The following TSPAN16 variants were observed in gnomAD, a reference collection of about 807,000 sequenced individuals.
TSPAN16 encodes the protein tetraspanin 16.
A neutral mutation model predicts 25.2 loss-of-function variants in TSPAN16; 23 were observed. That is an observed-to-expected ratio of 0.91 (90% CI 0.66 to 1.29). The LOEUF (loss-of-function observed/expected upper bound fraction) is 1.29, where lower values mean the gene tolerates loss of function less well. Among genes scored for constraint, TSPAN16 ranks in the 50% most tolerant of loss-of-function variants. TSPAN16 has a pLI of 0.00. For synonymous variants in TSPAN16, 123 were observed against 124.4 expected (o/e 0.99, Z 0.08); for missense variants, 272 against 299.9 (o/e 0.91, Z 0.69).
At position 11,312,021 on chromosome 19, in the gene TSPAN16, G is replaced by T. The variant is rs966234500; in HGVS notation, c.604-118G>T. On this transcript the variant is annotated intron_variant, in intron 5 of 6. Coordinates refer to ENST00000590327, the MANE Select transcript of TSPAN16 (RefSeq NM_001282509.2). The stretch of plus-strand genomic sequence containing the variant: ...GGAAGGCCCTCACGGCTCTCTCCCC[G>T]CTTCTCCTCAAAGAATCTGAGAGTC... The T allele has an allele frequency of 2.1e-5, 15 of 727,930 alleles. No individual in the cohort carries two copies. The African/African-American group carries it at 2.1e-4, about 10-fold the overall frequency. 45.1% of individuals were successfully genotyped at this position (727,930 alleles called of 1,614,324 possible). A position where few individuals can be genotyped will look rare whatever the true frequency, so the allele number is the denominator to read the frequency against.
chr19:11,300,817 CAG>C (rs2080536829), intron 3 of TSPAN16: 1 of 160,434 alleles, frequency 6.2e-6, no homozygotes, highest in Non-Finnish European at 1.4e-5. Flanking sequence ...ATTTAAAAAA[CAG>C]AAAATTAAAT....
intron 4 of TSPAN16, among the ~76,000 whole-genome samples, chr19:11,304,746 G>T (rs1279372718): frequency 1.3e-5 from 2 of 151,902 alleles, no homozygotes; most frequent in Non-Finnish European, 2.9e-5. Flanking sequence ...GGATGATCTT[G>T]ATCTCCTGAC....
chr19:11,302,661 A>ATATATATAT (rs2080570639), intron 4 of TSPAN16, among the ~76,000 whole-genome samples: 2 of 101,886 alleles, frequency 2.0e-5, no homozygotes, highest in African/African-American at 9.5e-5. Flanking sequence ...ATACACATAC[A>ATATATATAT]TATATATATA....
intron 6 of TSPAN16, among the ~76,000 whole-genome samples, chr19:11,313,485 C>G (rs1661804660): frequency 1.3e-5 from 2 of 150,962 alleles, no homozygotes; most frequent in South Asian, 4.2e-4. Context: ...CGAGATTGCA[C>G]CACTGCACTC....
downstream of TSPAN16, among the ~76,000 whole-genome samples, chr19:11,318,789 G>C (rs1459567310): frequency 6.6e-6 from 1 of 151,946 alleles, no homozygotes; most frequent in Admixed American, 6.6e-5. Context: ...TGGAGTTACA[G>C]GTGCCCGCCA....
intron 1 of TSPAN16, among the ~76,000 whole-genome samples, 182 bp downstream of exon 1, chr19:11,296,548 G>T (rs1202019701): frequency 6.6e-6 from 1 of 152,190 alleles, no homozygotes; most frequent in Non-Finnish European, 1.5e-5. Context: ...TCCATCAACC[G>T]AGAGCTGGTG....
chr19:11,326,825 G>A (rs770928455), exon 7 of TSPAN16: 2 of 679,688 alleles, frequency 2.9e-6, no homozygotes, highest in Non-Finnish European at 5.3e-6. Context: ...GCGCAGGCTG[G>A]TCTTGAACTG....
rs71164183 is a variant in TSPAN16, at chr19:11,310,515, C to CA, written c.604-1606dup. On this transcript the variant is annotated intron_variant, in intron 5 of 6. Transcript: ENST00000590327. Reference sequence around the variant, plus strand: ...GGGCAATAAGAGCCAAATTCCGTCTCAAAAAAAAAAAAAAAAAAGTGCAGG... The same window carrying CA: ...GGGCAATAAGAGCCAAATTCCGTCTCAAAAAAAAAAAAAAAAAAAGTGCAGG... Among the ~76,000 whole-genome samples the CA allele has an allele frequency of 1.6e-3, 184 of 117,006 alleles. 1 individual carries two copies. Among genetic ancestry groups the CA allele is most frequent in the East Asian group, 5.1e-3 (21 of 4,134 alleles). The allele number at this position is 117,006 out of a possible 152,430, so 76.8% of individuals were successfully genotyped here.
intron 6 of TSPAN16, chr19:11,325,581 G>T: frequency 6.2e-7 from 1 of 1,607,146 alleles, no homozygotes. Context: ...CAAAGAACTC[G>T]AAACCTGGAT....
At chr19:11,321,757 G>A (rs1008606048) in intron 6 of TSPAN16, among the ~76,000 whole-genome samples, 5 of 152,316 alleles carry the variant, frequency 3.3e-5, no homozygotes, top group Admixed American at 1.3e-4. Flanking sequence ...TAAGGTGGGA[G>A]CCATCGAATG....
chr19:11,305,164 C>T (rs1252602011), intron 4 of TSPAN16, among the ~76,000 whole-genome samples: 1 of 152,052 alleles, frequency 6.6e-6, no homozygotes, highest in African/African-American at 2.4e-5. Context: ...TCATACAGTC[C>T]TCCCACTAAT....
At position 11,304,217 on chromosome 19, in the gene TSPAN16, G is replaced by C. The variant is rs935238427; in HGVS notation, c.451-2387G>C. On this transcript the variant is annotated intron_variant, in intron 4 of 6. Transcript: ENST00000590327. ...CTTTTGAGACAGGTGGTTGAGGCCA[G>C]GCAGGGAGGGTTCAAAGTGGGGAAA... Among the ~76,000 whole-genome samples, 33 of 151,608 alleles carry C rather than the reference G, an allele frequency of 2.2e-4. 2 individuals are homozygous for C. Among genetic ancestry groups the C allele is most frequent in the African/African-American group, 8.1e-4 (33 of 40,938 alleles).
chr19:11,308,421 C>T (rs1183727115), intron 5 of TSPAN16, among the ~76,000 whole-genome samples: 1 of 152,070 alleles, frequency 6.6e-6, no homozygotes, highest in East Asian at 1.9e-4. Context: ...GCCTCAGCCT[C>T]CCGAGTAGCT....
intron 4 of TSPAN16, 110 bp downstream of exon 4, chr19:11,301,418 T>A: frequency 1.4e-6 from 1 of 709,650 alleles, no homozygotes; most frequent in South Asian, 1.6e-5. Flanking sequence ...GGTGGGAGGA[T>A]CACTTGAGGT....
chr19:11,302,699 A>G (rs1219696002), intron 4 of TSPAN16, among the ~76,000 whole-genome samples: 7 of 145,306 alleles, frequency 4.8e-5, no homozygotes, highest in Admixed American at 1.4e-4. Flanking sequence ...ACACACACAC[A>G]CACACACATA....
intron 5 of TSPAN16, among the ~76,000 whole-genome samples, chr19:11,310,347 T>C (rs896255190): frequency 3.3e-5 from 5 of 151,326 alleles, no homozygotes; most frequent in Admixed American, 3.3e-4. Flanking sequence ...AACCCCCATC[T>C]CTACTAAAAA....
rs1392605253 is a variant in TSPAN16, at chr19:11,298,145, T to A, written c.73T>A (p.Ser25Thr). The change falls in exon 2 of 7, where the codon TCT becomes ACT. Residue 25 changes from serine (S) to threonine (T), a missense_variant. Ser to Thr is a moderately conservative substitution (Grantham distance 58). Transcript: ENST00000590327. The stretch of plus-strand genomic sequence containing the variant: ...CTTTCTGGTTTCTGTTCTAAAGGTG[T>A]CTGGCATCATCCTAGTTGGCCTGGG... ...LSLLNGFVAV[S>T]GIILVGLGIG... is the part of the protein sequence containing the mutation. 6.2e-7 allele frequency: 1 copy of A among 1,614,024 alleles called. No homozygotes were observed. The highest frequency in any genetic ancestry group is 2.2e-5 in the East Asian group (1 of 44,890).
At position 11,315,809 on chromosome 19, in the gene TSPAN16, A is replaced by G; in HGVS notation, c.706A>G (p.Thr236Ala). 1 of 1,231,824 alleles carries G rather than the reference A, an allele frequency of 8.1e-7. No homozygotes were observed. The highest frequency in any genetic ancestry group is 1.0e-6 in the Non-Finnish European group (1 of 987,842). 76.3% of individuals were successfully genotyped at this position (1,231,824 alleles called of 1,614,324 possible). ...AVIQLPGILA[T>A]LLLFIKLG ...ATTTCAGTTGCCAGGAATTCTTGCCACTTTGCTGCTGTTTATCAAGCTGGG... is the reference window on the plus strand; with the variant it reads ...ATTTCAGTTGCCAGGAATTCTTGCCGCTTTGCTGCTGTTTATCAAGCTGGG... Residue 236 changes from threonine (T) to alanine (A), a missense_variant, in exon 7 of 7, where the codon ACT (threonine) becomes GCT (alanine). By Grantham distance (58) the Thr-to-Ala change is moderately conservative (BLOSUM62 0). Coordinates refer to ENST00000590327, the MANE Select transcript of TSPAN16 (RefSeq NM_001282509.2).
At chr19:11,325,767 C>T (rs1467785564) in intron 6 of TSPAN16, among the ~76,000 whole-genome samples, 1 of 152,142 alleles carries the variant, frequency 6.6e-6, no homozygotes, top group Non-Finnish European at 1.5e-5. Flanking sequence ...AATGATGATC[C>T]TACCAATGAT....
Sources: gnomAD v4.1 joint callset for allele counts (sites outside exome capture counted in the v4.1 genomes callset) on GRCh38, gnomAD v4.1.1 for gene constraint, MANE v1.5 for transcripts, NCBI Gene and HGNC (gene_info 2026-07-23, HGNC 2026-07-21) for gene names.